SPATA16: variants seen among roughly 807,000 people sequenced by gnomAD.
SPATA16 encodes the protein spermatogenesis associated 16.
A neutral mutation model predicts 63.3 loss-of-function variants in SPATA16; 36 were observed. The observed-to-expected ratio is 0.57, with a 90% CI of 0.44 to 0.75. SPATA16 has a LOEUF of 0.75. Among genes scored for constraint, SPATA16 ranks in the 30% least tolerant of loss-of-function variants. The probability of loss-of-function intolerance (pLI) is 0.00; values close to 1 mark genes in which losing one functional copy is unlikely to be tolerated. For missense variants in SPATA16, 646 were observed against 679.3 expected, an observed-to-expected ratio of 0.95 and a Z score of 0.54; for synonymous variants, 203 against 216.7, an observed-to-expected ratio of 0.94 and a Z score of 0.56.
intron 2 of SPATA16, among the ~76,000 whole-genome samples, chr3:173,082,753 A>G (rs1736956202): frequency 6.6e-6 from 1 of 152,198 alleles, no homozygotes; most frequent in South Asian, 2.1e-4. Context: ...AACACAGCTC[A>G]GGGCAGGCCT....
chr3:172,916,559 T>A, intron 8 of SPATA16, 78 bp from the exon 9 acceptor site: 1 of 1,431,888 alleles, frequency 7.0e-7, no homozygotes, highest in Non-Finnish European at 9.8e-7. Flanking sequence ...AGTCAGGGCT[T>A]GTGATAACGT....
intron 5 of SPATA16, among the ~76,000 whole-genome samples, chr3:172,974,115 C>T (rs1734103740): frequency 6.6e-6 from 1 of 152,078 alleles, no homozygotes; most frequent in Admixed American, 6.6e-5. Flanking sequence ...CTTGAGTTCA[C>T]CAAAGCAAAG....
chr3:172,937,827 G>A (rs548928092), intron 6 of SPATA16, among the ~76,000 whole-genome samples: 1 of 152,256 alleles, frequency 6.6e-6, no homozygotes, highest in African/African-American at 2.4e-5. Flanking sequence ...GCATGTTTGG[G>A]TGGATATAGG....
Position 173,048,993 on chromosome 3 carries a change from A to G in SPATA16, c.714T>C (p.Tyr238=). 1 of 1,613,892 alleles carries G rather than the reference A, an allele frequency of 6.2e-7. No individual in the cohort carries two copies. The change falls in exon 3 of 11, where the codon TAT becomes TAC. Residue 238 remains tyrosine (Y), a synonymous_variant. Coordinates refer to ENST00000351008, the MANE Select transcript of SPATA16 (RefSeq NM_031955.6). ...SFIETKLVTC[Y]LRMRKPDLAL... is the part of the protein sequence containing the mutation. ...CAAGATCTGGTTTCCTCATCCGTAGATAACAGGTAACAAGCTTTGTCTCAA... is the reference window on the plus strand; with the variant it reads ...CAAGATCTGGTTTCCTCATCCGTAGGTAACAGGTAACAAGCTTTGTCTCAA...
At chr3:173,140,065 T>C (rs1738667203) in intron 1 of SPATA16, among the ~76,000 whole-genome samples, 1 of 152,188 alleles carries the variant, frequency 6.6e-6, no homozygotes. Context: ...TGGAGATCAT[T>C]TTAAGGTTCT....
chr3:173,033,725 G>A (rs1383929884), intron 3 of SPATA16, among the ~76,000 whole-genome samples: 4 of 152,034 alleles, frequency 2.6e-5, no homozygotes, highest in African/African-American at 9.7e-5. Context: ...TTTTAGGGGG[G>A]ACGGAGTCTC....
chr3:173,132,035 A>C (rs1199525284), intron 1 of SPATA16, among the ~76,000 whole-genome samples: 2 of 151,904 alleles, frequency 1.3e-5, no homozygotes, highest in Non-Finnish European at 2.9e-5. Flanking sequence ...AGAGCTAGGT[A>C]AGGAATTTTA....
intron 2 of SPATA16, among the ~76,000 whole-genome samples, chr3:173,059,978 TG>T (rs1346563434): frequency 7.9e-5 from 12 of 151,744 alleles, no homozygotes; most frequent in Admixed American, 1.3e-4. Context: ...CAGAGCTGGC[TG>T]GGCACAGTGG....
intron 2 of SPATA16, among the ~76,000 whole-genome samples, chr3:173,113,749 T>C (rs1737811532): frequency 6.6e-6 from 1 of 152,220 alleles, no homozygotes; most frequent in African/African-American, 2.4e-5. Flanking sequence ...TTATGTCACT[T>C]AATAAATATT....
At chr3:173,033,566 G>C (rs2108285396) in intron 3 of SPATA16, among the ~76,000 whole-genome samples, 1 of 152,246 alleles carries the variant, frequency 6.6e-6, no homozygotes, top group East Asian at 1.9e-4. Context: ...CAAAGATGTA[G>C]ATGTAAGGCC....
Position 172,924,316 on chromosome 3 carries a change from C to A in SPATA16, c.1230G>T (p.Glu410Asp), listed in dbSNP as rs150441197. The change falls in exon 8 of 11, where the codon GAG (glutamate) becomes GAT (aspartate). Residue 410 changes from glutamate (E) to aspartate (D), a missense_variant and splice_region_variant. Glu to Asp is a conservative substitution (Grantham distance 45). Transcript: ENST00000351008. Reference protein sequence around the residue: ...ISSRKLPIFTEHKTPFGLTRE... With the variant: ...ISSRKLPIFTDHKTPFGLTRE... ...TGGTCAGACCGAAAGGTGTTTTATG[C>A]TCTAAAAATTGTAACAATAAACTTT... The A allele has an allele frequency of 1.2e-6, 2 of 1,610,114 alleles. No individual in the cohort carries two copies. Among genetic ancestry groups the A allele is most frequent in the Non-Finnish European group, 1.7e-6 (2 of 1,177,434 alleles).
chr3:172,979,048 T>G (rs2108252635), intron 4 of SPATA16, among the ~76,000 whole-genome samples: 1 of 152,176 alleles, frequency 6.6e-6, no homozygotes, highest in African/African-American at 2.4e-5. Context: ...CCATCCTGGC[T>G]AACACGGTGA....
intron 5 of SPATA16, among the ~76,000 whole-genome samples, chr3:172,960,875 C>CTTTCTTTCTTTCTTTCTT (rs139523157): frequency 7.7e-5 from 11 of 142,182 alleles, no homozygotes; most frequent in African/African-American, 2.7e-4. Flanking sequence ...CTTTCTTTCT[C>CTTTCTTTCTTTCTTTCTT]TCTTTCTTTC....
At chr3:173,123,314 C>T (rs1192976089) in intron 1 of SPATA16, among the ~76,000 whole-genome samples, 1 of 152,152 alleles carries the variant, frequency 6.6e-6, no homozygotes, top group Non-Finnish European at 1.5e-5. Context: ...GGTTAAACAA[C>T]TTGAAAGACA....
intron 2 of SPATA16, among the ~76,000 whole-genome samples, chr3:173,082,549 AAC>A (rs1736949673): frequency 6.6e-6 from 1 of 152,170 alleles, no homozygotes; most frequent in South Asian, 2.1e-4. Flanking sequence ...ACACACAAAA[AAC>A]AAAGTCAGTC....
intron 2 of SPATA16, among the ~76,000 whole-genome samples, chr3:173,090,370 CT>C (rs1171753768): frequency 2.0e-5 from 3 of 152,122 alleles, no homozygotes; most frequent in Non-Finnish European, 4.4e-5. Flanking sequence ...GGTATGCTTC[CT>C]GTACAGCCTG....
intron 5 of SPATA16, among the ~76,000 whole-genome samples, chr3:172,964,021 C>CT (rs1733849519): frequency 6.6e-6 from 1 of 152,128 alleles, no homozygotes; most frequent in African/African-American, 2.4e-5. Context: ...GAATTTGACT[C>CT]TAGCACAAAC....
At chr3:172,980,769 AAAAAC>A (rs1734288196) in intron 4 of SPATA16, among the ~76,000 whole-genome samples, 1 of 152,158 alleles carries the variant, frequency 6.6e-6, no homozygotes, top group South Asian at 2.1e-4. Context: ...TCTTCCTTTT[AAAAAC>A]AAAACAAAAT....
Position 172,953,332 on chromosome 3 carries a change from C to T in SPATA16, c.1081+3345G>A, listed in dbSNP as rs540751063. Among the ~76,000 whole-genome samples the T allele has an allele frequency of 2.3e-4, 35 of 152,108 alleles. No homozygotes were observed. In the South Asian group the frequency reaches 7.1e-3, roughly 31 times the overall value. On this transcript the variant is annotated intron_variant, in intron 6 of 10. Coordinates refer to ENST00000351008, the MANE Select transcript of SPATA16 (RefSeq NM_031955.6). ...AAGGGTCCTGGCTTGCTGGAGAATG[C>T]AGCAAGGGAAAAATGGCAGAGTAAC...
Sources: allele counts gnomAD v4.1 joint callset (sites outside exome capture counted in the v4.1 genomes callset), GRCh38; gene constraint gnomAD v4.1.1; transcripts MANE v1.5; gene names NCBI Gene and HGNC (gene_info 2026-07-23, HGNC 2026-07-21).